The following CHD3 variants were observed in gnomAD, a reference collection of about 807,000 sequenced individuals.
CHD3 encodes the protein chromodomain helicase DNA binding protein 3.
In CHD3, 52 loss-of-function variants were observed where a neutral mutation model predicts 248.9. The observed-to-expected ratio is 0.21, with a 90% CI of 0.17 to 0.26. CHD3 has a LOEUF of 0.26. Among genes scored for constraint, CHD3 ranks in the 10% least tolerant of loss-of-function variants. The pLI is 1.00. For missense variants in CHD3, 1,482 were observed against 2,605.8 expected (o/e 0.57, Z 9.39); for synonymous variants, 985 against 985.2 (o/e 1.00, Z 0.00).
chr17:7,900,889 G>T lies in CHD3; in HGVS notation c.3016G>T (p.Ala1006Ser). 6.2e-7 allele frequency: 1 copy of T among 1,614,098 alleles called. No individual in the cohort carries two copies. Among genetic ancestry groups the T allele is most frequent in the Non-Finnish European group, 8.5e-7 (1 of 1,180,020 alleles). ...ATACATCCTGACTCGAAATTTTGAG[G>T]CCTTGAATTCACGAGGTGGTGGGAA... The part of the protein sequence containing the change: ...YKYILTRNFE[A>S]LNSRGGGNQV... Residue 1006 changes from alanine to serine, a missense_variant, in exon 19 of 40, where the codon GCC becomes TCC. Coordinates refer to ENST00000330494, the MANE Select transcript of CHD3 (RefSeq NM_001005273.3). The surrounding 1 kb of genome is among the most constrained non-coding windows in gnomAD (Gnocchi z 6.5).
At position 7,893,467 on chromosome 17, in the gene CHD3, G is replaced by A. The variant is rs941786534; in HGVS notation, c.691G>A (p.Ala231Thr). Residue 231 changes from alanine to threonine, a missense_variant, in exon 5 of 40, where the codon GCC becomes ACC. Transcript: ENST00000330494. ...AEQVSAAVSS[A>T]TPIAPSGPPA... ...GCAGGTGTCAGCTGCTGTCTCGTCG[G>A]CCACCCCCATAGCACCCTCCGGACC... 6.2e-6 allele frequency: 10 copies of A among 1,604,614 alleles called. No individual in the cohort carries two copies. The Admixed American group carries it at 1.2e-4, about 19-fold the overall frequency.
upstream of CHD3, chr17:7,888,787 C>A: frequency 2.1e-6 from 3 of 1,415,032 alleles, no homozygotes; most frequent in Non-Finnish European, 2.8e-6. Context: ...CTGTCTGTGC[C>A]TATATCTTTG....
At chr17:7,890,778 A>G (rs193183095) in intron 3 of CHD3, 37 bp downstream of exon 3, 3 of 1,586,030 alleles carry the variant, frequency 1.9e-6, no homozygotes, top group East Asian at 2.2e-5. Flanking sequence ...AGAAATCTGC[A>G]TTAAAGACGG....
Position 7,905,032 on chromosome 17 carries a change from G to A in CHD3, c.4073-68G>A, listed in dbSNP as rs1970757854. 3.5e-6 allele frequency: 5 copies of A among 1,428,974 alleles called. No individual in the cohort carries two copies. In the East Asian group the frequency reaches 1.1e-4, roughly 33 times the overall value. The allele number at this position is 1,428,974 out of a possible 1,614,324, so 88.5% of individuals were successfully genotyped here. A position where few individuals can be genotyped will look rare whatever the true frequency, so the allele number is the denominator to read the frequency against. ...GTCTCGGCAGGGAGGAATCCAGCCAGAAAGGGCCTCAGCATGGGCATATCC... is the reference window on the plus strand; with the variant it reads ...GTCTCGGCAGGGAGGAATCCAGCCAAAAAGGGCCTCAGCATGGGCATATCC... On this transcript the variant is annotated intron_variant, in intron 25 of 39. Coordinates refer to ENST00000330494, the MANE Select transcript of CHD3 (RefSeq NM_001005273.3). This position sits in a 1 kb window ranked among gnomAD's most constrained non-coding sequence, Gnocchi z 5.8.
chr17:7,894,339 T>C (rs1969344393), intron 7 of CHD3, 74 bp downstream of exon 7: 2 of 1,589,724 alleles, frequency 1.3e-6, no homozygotes, highest in South Asian at 1.1e-5. Flanking sequence ...TTGACTTCTC[T>C]CTTCAACCCT....
At chr17:7,888,443 G>A (rs1968330476), upstream of CHD3, among the ~76,000 whole-genome samples, 1 of 152,198 alleles carries the variant, frequency 6.6e-6, no homozygotes, top group Non-Finnish European at 1.5e-5. Context: ...GCCTCTCTCT[G>A]TACTAGACAG....
At chr17:7,888,544 T>A (rs1968348375), upstream of CHD3, among the ~76,000 whole-genome samples, 1 of 152,078 alleles carries the variant, frequency 6.6e-6, no homozygotes, top group Non-Finnish European at 1.5e-5. Flanking sequence ...TCTTCCTTTA[T>A]GTGGGGTAAC....
At position 7,908,305 on chromosome 17, in the gene CHD3, C is replaced by T; in HGVS notation, c.5153-97C>T. On this transcript the variant is annotated intron_variant, in intron 34 of 39. Coordinates refer to ENST00000330494, the MANE Select transcript of CHD3 (RefSeq NM_001005273.3). The surrounding 1 kb of genome is among the most constrained non-coding windows in gnomAD (Gnocchi z 5.8). ...ATTCCTCTTCAGGAGCCCTTAGTTC[C>T]CTTTCATTATTCAGTTTCTCCATCT... 1 of 1,021,722 alleles carries T rather than the reference C, an allele frequency of 9.8e-7. No homozygotes were observed. The highest frequency in any genetic ancestry group is 1.5e-6 in the Non-Finnish European group (1 of 675,216). The allele number at this position is 1,021,722 out of a possible 1,614,324, so 63.3% of individuals were successfully genotyped here.
rs1383304967 is a variant in CHD3 at position 7,904,018 on chromosome 17, A to G, written c.3894+27A>G. ...TGAGAGGCTTTGGGGGCCAGACATT[A>G]TCTATCCCAGGCCATCTCCAAAAGG... is the stretch of plus-strand genomic sequence containing the variant. On this transcript the variant is annotated intron_variant, in intron 24 of 39. Coordinates refer to ENST00000330494, the MANE Select transcript of CHD3 (RefSeq NM_001005273.3). This position sits in a 1 kb window ranked among gnomAD's most constrained non-coding sequence, Gnocchi z 4.4. The G allele has an allele frequency of 2.5e-6, 4 of 1,610,000 alleles. No homozygotes were observed. The highest frequency in any genetic ancestry group is 3.4e-6 in the Non-Finnish European group (4 of 1,177,462).
intron 13 of CHD3, 62 bp from the exon 14 acceptor site, chr17:7,898,949 A>T: frequency 7.1e-7 from 1 of 1,406,172 alleles, no homozygotes; most frequent in Non-Finnish European, 1.0e-6. Flanking sequence ...AGGGAGGAAG[A>T]GACTAAGACT....
In CHD3 at chr17:7,899,569, T is replaced by G. The variant is rs772599946; in HGVS notation, c.2544+26T>G. On this transcript the variant is annotated intron_variant, in intron 15 of 39. Coordinates refer to ENST00000330494, the MANE Select transcript of CHD3 (RefSeq NM_001005273.3). The surrounding 1 kb of genome is among the most constrained non-coding windows in gnomAD (Gnocchi z 6.8). ...GTAAGACCCTCTACCTCATATCCTC[T>G]GAGACCCTCAAAGCTGTCACTTCTT... The G allele has an allele frequency of 6.3e-7, 1 of 1,599,454 alleles. No individual in the cohort carries two copies. The highest frequency in any genetic ancestry group is 1.1e-5 in the South Asian group (1 of 90,808).
Position 7,898,016 on chromosome 17 carries a change from C to T in CHD3, c.1965C>T (p.Asp655=), listed in dbSNP as rs1969893577. The T allele has an allele frequency of 6.2e-7, 1 of 1,613,992 alleles. No homozygotes were observed. The highest frequency in any genetic ancestry group is 8.5e-7 in the Non-Finnish European group (1 of 1,179,988). Residue 655 remains aspartate (D), a synonymous_variant, in exon 12 of 40, where the codon GAC becomes GAT. Transcript: ENST00000330494. The part of the protein sequence containing the change: ...GNYHYLVKWR[D]LPYDQSTWEE... ...ACCACTATCTAGTAAAATGGAGGGA[C>T]TTACCATATGACCAGTCCACGTGGG...
Position 7,900,445 on chromosome 17 carries a change from G to C in CHD3, c.2804+34G>C, listed in dbSNP as rs762103047. 20 of 1,613,966 alleles carry C rather than the reference G, an allele frequency of 1.2e-5. No homozygotes were observed. The highest frequency in any genetic ancestry group is 1.6e-5 in the Non-Finnish European group (19 of 1,179,920). On this transcript the variant is annotated intron_variant, in intron 17 of 39. Coordinates refer to ENST00000330494, the MANE Select transcript of CHD3 (RefSeq NM_001005273.3). This position sits in a 1 kb window ranked among gnomAD's most constrained non-coding sequence, Gnocchi z 6.5. ...TTCCCTAAGGGTAGTTGGCAGAGAT[G>C]AGAGGTGGAGCAGATAAAATGAGCT... is the stretch of plus-strand genomic sequence containing the variant.
At position 7,897,230 on chromosome 17, in the gene CHD3, G is replaced by A. The variant is rs1321253482; in HGVS notation, c.1855G>A (p.Glu619Lys). 6.2e-7 allele frequency: 1 copy of A among 1,614,214 alleles called. No individual in the cohort carries two copies. The highest frequency in any genetic ancestry group is 2.2e-5 in the East Asian group (1 of 44,890). The change falls in exon 11 of 40, where the codon GAG becomes AAG. Residue 619 changes from glutamate (E) to lysine (K), a missense_variant. Around this residue, in one of 20 missense-constraint regions of CHD3, gnomAD observed 127 missense variants for 188.3 expected, o/e 0.67. Transcript: ENST00000330494. The surrounding 1 kb of genome is among the most constrained non-coding windows in gnomAD (Gnocchi z 4.8). ...VKDPHYAEMEEKYYRFGIKPE... is the reference protein window; with the variant it reads ...VKDPHYAEMEKKYYRFGIKPE... The stretch of plus-strand genomic sequence containing the variant: ...AGACCCGCACTATGCTGAGATGGAG[G>A]AGAAGTACTATCGTTTTGGCATCAA...
intron 8 of CHD3, 154 bp downstream of exon 8, chr17:7,894,762 C>A: frequency 7.3e-7 from 1 of 1,370,118 alleles, no homozygotes; most frequent in Non-Finnish European, 1.0e-6. Flanking sequence ...CTTTCTCCCA[C>A]AATCAACATT....
At chr17:7,902,017 C>T (rs1032011691) in intron 20 of CHD3, among the ~76,000 whole-genome samples, 1 of 152,196 alleles carries the variant, frequency 6.6e-6, no homozygotes, top group African/African-American at 2.4e-5. Context: ...ACTGCACATA[C>T]AATGACACAA....
In CHD3 at chr17:7,889,111, G is replaced by C. The variant is rs771183277; in HGVS notation, c.100+11G>C. 6.2e-7 allele frequency: 1 copy of C among 1,614,152 alleles called. No individual in the cohort carries two copies. The highest frequency in any genetic ancestry group is 1.1e-5 in the South Asian group (1 of 91,080). Reference sequence around the variant, plus strand: ...GTGACAGGATGCCTGGTAATTATCCGAGGAAATGTAAATAGAGGCCTCCCT... The same window carrying C: ...GTGACAGGATGCCTGGTAATTATCCCAGGAAATGTAAATAGAGGCCTCCCT... On this transcript the variant is annotated intron_variant, in intron 1 of 39. Transcript: ENST00000330494. The surrounding 1 kb of genome is among the most constrained non-coding windows in gnomAD (Gnocchi z 4.5).
Position 7,903,325 on chromosome 17 carries a change from G to A in CHD3, c.3549G>A (p.Arg1183=), listed in dbSNP as rs767988861. 3 of 1,614,172 alleles carry A rather than the reference G, an allele frequency of 1.9e-6. No homozygotes were observed. The highest frequency in any genetic ancestry group is 2.5e-6 in the Non-Finnish European group (3 of 1,180,030). ...IGQANKVMIY[R]FVTRASVEER... The stretch of plus-strand genomic sequence containing the variant: ...AGGCCAACAAAGTGATGATTTACCG[G>A]TTTGTGACTCGCGCGTCAGTGGAAG... Residue 1183 remains arginine, a synonymous_variant, in exon 23 of 40, where the codon CGG becomes CGA. Coordinates refer to ENST00000330494, the MANE Select transcript of CHD3 (RefSeq NM_001005273.3). This position sits in a 1 kb window ranked among gnomAD's most constrained non-coding sequence, Gnocchi z 6.8.
At position 7,898,119 on chromosome 17, in the gene CHD3, G is replaced by A. The variant is rs1018086270; in HGVS notation, c.2051+17G>A. On this transcript the variant is annotated intron_variant, in intron 12 of 39. Transcript: ENST00000330494. ...GAGACACCGGTGAGGGAATGAGCTT[G>A]TGGATTCAAGGGATTCTGACGATGA... The A allele has an allele frequency of 6.2e-6, 10 of 1,612,646 alleles. No homozygotes were observed. The highest frequency in any genetic ancestry group is 5.0e-5 in the Admixed American group (3 of 59,808).
Sources: allele counts gnomAD v4.1 joint callset (sites outside exome capture counted in the v4.1 genomes callset), GRCh38; gene constraint gnomAD v4.1.1; regional missense constraint gnomAD v4.1.1; non-coding constraint Gnocchi (gnomAD v3.1); transcripts MANE v1.5; gene names NCBI Gene and HGNC (gene_info 2026-07-23, HGNC 2026-07-21).